Variants in RBMS1 observed in about 807,000 individuals in gnomAD.
RBMS1 encodes the protein RNA binding motif single stranded interacting protein 1.
Under a neutral mutation model 62.3 loss-of-function variants are expected in RBMS1, and 17 were observed. That is an observed-to-expected ratio of 0.27 (90% CI 0.19 to 0.41). RBMS1 has a LOEUF of 0.41. Among genes scored for constraint, RBMS1 ranks in the 10% least tolerant of loss-of-function variants. The probability of loss-of-function intolerance (pLI) is 1.00; values close to 1 mark genes in which losing one functional copy is unlikely to be tolerated. For missense variants in RBMS1, 334 were observed against 504.5 expected (o/e 0.66, Z 3.24); for synonymous variants, 172 against 170.0 (o/e 1.01, Z -0.09).
At chr2:160,345,090 C>T (rs1692102716) in intron 2 of RBMS1, among the ~76,000 whole-genome samples, 2 of 151,976 alleles carry the variant, frequency 1.3e-5, no homozygotes, top group African/African-American at 4.8e-5. Flanking sequence ...CAAATTTGCC[C>T]AAGATTACAT....
chr2:160,490,236 C>G (rs1348225840), intron 1 of RBMS1, among the ~76,000 whole-genome samples: 1 of 151,572 alleles, frequency 6.6e-6, no homozygotes, highest in African/African-American at 2.4e-5. Context: ...CTACATCAAG[C>G]TACATTTCAG....
intron 2 of RBMS1, among the ~76,000 whole-genome samples, chr2:160,354,300 G>T (rs1254707201): frequency 6.6e-6 from 1 of 152,088 alleles, no homozygotes; most frequent in Admixed American, 6.6e-5. Flanking sequence ...CTTTTAAAAG[G>T]TAATTGCATG....
At chr2:160,316,882 ATTTTTCTTTATAAAACCAAAAGATT>A (rs1690255240) in intron 3 of RBMS1, among the ~76,000 whole-genome samples, 3 of 152,008 alleles carry the variant, frequency 2.0e-5, no homozygotes, top group African/African-American at 7.3e-5. Context: ...GCAAGAGTCT[ATTTTTCTTTATAAAACCAAAAGATT>A]TTTTTTCTGT....
At chr2:160,383,192 T>C (rs1005554849) in intron 1 of RBMS1, among the ~76,000 whole-genome samples, 10 of 152,172 alleles carry the variant, frequency 6.6e-5, no homozygotes, top group Admixed American at 1.3e-4. Context: ...ACATTCCCCC[T>C]GAAAGCTGTA....
At chr2:160,311,176 C>A (rs1689832350) in intron 4 of RBMS1, among the ~76,000 whole-genome samples, 1 of 106,124 alleles carries the variant, frequency 9.4e-6, no homozygotes, top group African/African-American at 3.1e-5. Context: ...GCCTGGGTGA[C>A]AGAGTGAGAC....
intron 1 of RBMS1, among the ~76,000 whole-genome samples, chr2:160,419,376 C>T (rs986128490): frequency 2.5e-4 from 38 of 152,156 alleles, no homozygotes; most frequent in African/African-American, 8.7e-4. Flanking sequence ...ATAATTTAAG[C>T]TTTTAGTGAC....
intron 1 of RBMS1, among the ~76,000 whole-genome samples, chr2:160,450,577 A>AC (rs2105318145): frequency 6.7e-6 from 1 of 150,284 alleles, no homozygotes; most frequent in South Asian, 2.1e-4. Flanking sequence ...AAAAAAAAAA[A>AC]AACAAAAAAC....
intron 1 of RBMS1, among the ~76,000 whole-genome samples, chr2:160,423,877 TTCTA>T (rs1284133235): frequency 2.0e-5 from 3 of 152,118 alleles, no homozygotes; most frequent in Non-Finnish European, 2.9e-5. Context: ...TGTACTTTGG[TTCTA>T]TCTATCTGTC....
intron 2 of RBMS1, among the ~76,000 whole-genome samples, chr2:160,320,869 G>A (rs1489446826): frequency 6.6e-6 from 1 of 152,066 alleles, no homozygotes; most frequent in Admixed American, 6.5e-5. Flanking sequence ...ACTCTCTCGT[G>A]TGTACAAGTC....
intron 1 of RBMS1, among the ~76,000 whole-genome samples, chr2:160,471,691 G>GTGTGTATATATATATATATATATATA (rs1275928756): frequency 4.5e-5 from 3 of 65,940 alleles, no homozygotes; most frequent in South Asian, 8.0e-4. Flanking sequence ...ATCCTTTGGT[G>GTGTGTATATATATATATATATATATA]TATATATATA....
intron 2 of RBMS1, among the ~76,000 whole-genome samples, chr2:160,349,553 A>AAGAG (rs372260654): frequency 0.14 from 20,135 of 142,630 alleles, 1,566 homozygotes; most frequent in African/African-American, 0.2. Flanking sequence ...CAGAGACAGA[A>AAGAG]AGAGAGAGAG....
At chr2:160,471,342 A>G (rs1283860537) in intron 1 of RBMS1, among the ~76,000 whole-genome samples, 1 of 152,158 alleles carries the variant, frequency 6.6e-6, no homozygotes, top group Non-Finnish European at 1.5e-5. Flanking sequence ...CAGAATTACT[A>G]AAATGATTCA....
chr2:160,402,779 AC>A (rs1165338981), intron 1 of RBMS1, among the ~76,000 whole-genome samples: 2 of 152,150 alleles, frequency 1.3e-5, no homozygotes, highest in East Asian at 3.9e-4. Context: ...CATGTAGGCC[AC>A]TTAAGATGTC....
At chr2:160,285,786 G>A (rs1688353325) in intron 7 of RBMS1, among the ~76,000 whole-genome samples, 1 of 151,808 alleles carries the variant, frequency 6.6e-6, no homozygotes, top group Admixed American at 6.6e-5. Flanking sequence ...GCTAGCCTGG[G>A]CAACATAGTT....
intron 1 of RBMS1, among the ~76,000 whole-genome samples, chr2:160,439,890 C>CA (rs959228919): frequency 2.0e-5 from 3 of 152,096 alleles, no homozygotes; most frequent in South Asian, 2.1e-4. Flanking sequence ...CCGTCTCCAC[C>CA]AAAAAAATAC....
intron 1 of RBMS1, among the ~76,000 whole-genome samples, chr2:160,444,335 C>T (rs565110319): frequency 5.9e-5 from 9 of 152,090 alleles, no homozygotes; most frequent in Admixed American, 1.3e-4. Context: ...ACATAAAGTA[C>T]GTGGAAACCA....
At chr2:160,282,477 C>A in intron 9 of RBMS1, 2 of 415,824 alleles carry the variant, frequency 4.8e-6, no homozygotes, top group South Asian at 3.8e-5. Context: ...GAGTGCAGGG[C>A]CCTCACTGGA....
At chr2:160,352,246 G>T (rs1692558255) in intron 2 of RBMS1, among the ~76,000 whole-genome samples, 1 of 152,092 alleles carries the variant, frequency 6.6e-6, no homozygotes, top group African/African-American at 2.4e-5. Context: ...TACTCTATGT[G>T]CAATGCACGG....
intron 1 of RBMS1, among the ~76,000 whole-genome samples, chr2:160,426,297 A>AGAAGGAAGGAAGGAAGGAAGGAAG (rs565449663): frequency 1.8e-5 from 1 of 56,102 alleles, no homozygotes. Flanking sequence ...AAGAAAAGAA[A>AGAAGGAAGGAAGGAAGGAAGGAAG]GAAGGAAGGA....
Sources: allele counts gnomAD v4.1 joint callset (sites outside exome capture counted in the v4.1 genomes callset), GRCh38; gene constraint gnomAD v4.1.1; transcripts MANE v1.5; gene names NCBI Gene and HGNC (gene_info 2026-07-23, HGNC 2026-07-21).